MTHFD1L: variants seen among roughly 807,000 people sequenced by gnomAD.
MTHFD1L encodes monofunctional C1-tetrahydrofolate synthase, mitochondrial.
MTHFD1L carries 81 observed loss-of-function variants against 119.5 expected under a neutral mutation model. The ratio of observed to expected loss-of-function variants is 0.68; its 90% CI spans 0.57 to 0.82. The LOEUF (loss-of-function observed/expected upper bound fraction) is 0.82. Ranked by LOEUF, MTHFD1L falls within the 40% of genes least tolerant of loss-of-function variation. The pLI is 0.00. For missense variants in MTHFD1L, 1,125 were observed against 1,253.4 expected (o/e 0.90, Z 1.55); for synonymous variants, 430 against 475.2 (o/e 0.90, Z 1.24).
intron 8 of MTHFD1L, among the ~76,000 whole-genome samples, chr6:150,909,471 G>C (rs712206): frequency 0.25 from 37,687 of 151,760 alleles, 5,405 homozygotes; most frequent in East Asian, 0.62. Context: ...TTGAACTCCC[G>C]GCCTCAAATA....
At chr6:150,984,860 G>A (rs1205927578) in intron 20 of MTHFD1L, among the ~76,000 whole-genome samples, 1 of 151,958 alleles carries the variant, frequency 6.6e-6, no homozygotes, top group Non-Finnish European at 1.5e-5. Flanking sequence ...GTCATTTTCC[G>A]CTATAATACA....
chr6:151,029,904 AGAAAAATCACACTCT>A (rs924907454), intron 24 of MTHFD1L, among the ~76,000 whole-genome samples: 16 of 152,332 alleles, frequency 1.1e-4, no homozygotes, highest in Non-Finnish European at 2.1e-4. Flanking sequence ...AATTATTAAC[AGAAAAATCACACTCT>A]TTATTTTTGA....
At chr6:150,907,012 A>G (rs1178645978) in intron 8 of MTHFD1L, among the ~76,000 whole-genome samples, 4 of 133,432 alleles carry the variant, frequency 3.0e-5, no homozygotes, top group Admixed American at 7.3e-5. Flanking sequence ...TTTTCCCCTG[A>G]AAAAAAAAAA....
chr6:150,881,366 T>C (rs1361110006), intron 4 of MTHFD1L, among the ~76,000 whole-genome samples: 1 of 152,238 alleles, frequency 6.6e-6, no homozygotes, highest in Non-Finnish European at 1.5e-5. Flanking sequence ...TGTGTGTTCT[T>C]AGTACCTTTG....
intron 20 of MTHFD1L, among the ~76,000 whole-genome samples, chr6:150,986,651 C>T (rs1778339426): frequency 6.6e-6 from 1 of 152,218 alleles, no homozygotes; most frequent in Non-Finnish European, 1.5e-5. Flanking sequence ...CTGCTCACCT[C>T]CTGCTGTGCG....
intron 26 of MTHFD1L, among the ~76,000 whole-genome samples, chr6:151,081,498 CAAAAAAAAAA>C (rs56795003): frequency 1.7e-4 from 17 of 98,154 alleles, no homozygotes; most frequent in South Asian, 1.3e-3. Flanking sequence ...ACTAAAAATG[CAAAAAAAAAA>C]AAAAAAAAAA....
At chr6:151,012,528 C>T (rs1209864485) in intron 21 of MTHFD1L, among the ~76,000 whole-genome samples, 1 of 151,852 alleles carries the variant, frequency 6.6e-6, no homozygotes, top group Non-Finnish European at 1.5e-5. Context: ...TTGAATTTGC[C>T]CATTTTAAAT....
chr6:151,037,870 C>T (rs183062804), intron 26 of MTHFD1L, among the ~76,000 whole-genome samples: 15 of 152,244 alleles, frequency 9.9e-5, no homozygotes, highest in Non-Finnish European at 1.0e-4. Flanking sequence ...AGAATTCTTA[C>T]AACCTAGCAG....
chr6:150,975,785 G>T (rs1179949017), intron 20 of MTHFD1L, among the ~76,000 whole-genome samples: 1 of 152,148 alleles, frequency 6.6e-6, no homozygotes, highest in East Asian at 1.9e-4. Context: ...ACCAGCAGAC[G>T]TCCTCACACT....
Position 150,872,645 on chromosome 6 carries a change from A to G in MTHFD1L, c.228-3445A>G, listed in dbSNP as rs1286348129. On this transcript the variant is annotated intron_variant, in intron 1 of 27. Transcript: ENST00000367321. ...AAAAGTTTGAAATATTGTAAGAATT[A>G]TCAAAATGTGACACAAATTGAGCAG... 2.6e-5 allele frequency among the ~76,000 whole-genome samples: 4 copies of G among 152,228 alleles called. No homozygotes were observed. In the East Asian group the frequency reaches 7.7e-4, roughly 29 times the overall value.
intron 5 of MTHFD1L, 108 bp downstream of exon 5, chr6:150,882,994 A>G: frequency 9.1e-7 from 1 of 1,103,860 alleles, no homozygotes. Context: ...TGTGTCAGTA[A>G]TTGGATAAAA....
At chr6:150,942,624 G>A (rs1330207228) in intron 13 of MTHFD1L, among the ~76,000 whole-genome samples, 2 of 152,054 alleles carry the variant, frequency 1.3e-5, no homozygotes, top group Non-Finnish European at 2.9e-5. Context: ...GTATTTTGAA[G>A]AATCTTTAAT....
At chr6:150,994,783 G>T (rs958415525) in intron 20 of MTHFD1L, among the ~76,000 whole-genome samples, 13 of 152,142 alleles carry the variant, frequency 8.5e-5, no homozygotes, top group Non-Finnish European at 1.9e-4. Flanking sequence ...CTTCATATTA[G>T]ATTAGTTGAA....
At chr6:151,072,179 CAA>C (rs67268412) in intron 26 of MTHFD1L, among the ~76,000 whole-genome samples, 2 of 151,250 alleles carry the variant, frequency 1.3e-5, no homozygotes, top group Non-Finnish European at 2.9e-5. Flanking sequence ...CTTTTTATAC[CAA>C]AAAAAAATTA....
At chr6:150,933,584 C>T (rs1288754948) in intron 11 of MTHFD1L, among the ~76,000 whole-genome samples, 1 of 152,076 alleles carries the variant, frequency 6.6e-6, no homozygotes, top group Non-Finnish European at 1.5e-5. Flanking sequence ...CTCCATGCAG[C>T]GGTGTCAGGA....
intron 20 of MTHFD1L, among the ~76,000 whole-genome samples, chr6:150,975,865 G>T (rs187436875): frequency 6.6e-6 from 1 of 152,168 alleles, no homozygotes; most frequent in Non-Finnish European, 1.5e-5. Context: ...CTGGTCTCGG[G>T]TACCACAGAC....
chr6:150,945,462 T>C lies in MTHFD1L; in HGVS notation c.1549-5T>C. The C allele has an allele frequency of 1.2e-6, 2 of 1,611,382 alleles. No individual in the cohort carries two copies. The highest frequency in any genetic ancestry group is 1.7e-6 in the Non-Finnish European group (2 of 1,179,346). The stretch of plus-strand genomic sequence containing the variant: ...TGTGGTCTCATTTTTGTTTTGTGTT[T>C]TTAGGCTCTGTATAATCGGCTGGTT... On this transcript the variant is annotated splice_polypyrimidine_tract_variant and splice_region_variant and intron_variant, in intron 14 of 27. Transcript: ENST00000367321.
intron 15 of MTHFD1L, among the ~76,000 whole-genome samples, chr6:150,947,497 C>G (rs1455114095): frequency 6.6e-6 from 1 of 151,916 alleles, no homozygotes; most frequent in African/African-American, 2.4e-5. Context: ...TTTGGGAGGC[C>G]AAGACAAGAG....
At chr6:150,888,946 G>C (rs948835684) in intron 7 of MTHFD1L, among the ~76,000 whole-genome samples, 1 of 152,058 alleles carries the variant, frequency 6.6e-6, no homozygotes, top group Non-Finnish European at 1.5e-5. Context: ...AGGCTGAGGC[G>C]GGCAAATCAC....
Sources: allele counts gnomAD v4.1 joint callset (sites outside exome capture counted in the v4.1 genomes callset), GRCh38; gene constraint gnomAD v4.1.1; transcripts MANE v1.5; gene names NCBI Gene and HGNC (gene_info 2026-07-23, HGNC 2026-07-21).